The following THSD7B variants were observed in gnomAD, a reference collection of about 807,000 sequenced individuals.
THSD7B encodes thrombospondin type 1 domain containing 7B, also known as thrombospondin type-1 domain-containing protein 7B.
A neutral mutation model predicts 213.6 loss-of-function variants in THSD7B; 138 were observed. That is an observed-to-expected ratio of 0.65 (90% CI 0.56 to 0.74). The LOEUF (loss-of-function observed/expected upper bound fraction) is 0.74, where lower values mean the gene tolerates loss of function less well. Ranked by LOEUF, THSD7B falls within the 30% of genes least tolerant of loss-of-function variation. The pLI, the probability that THSD7B is intolerant of heterozygous loss-of-function variation, is 0.00. For missense variants in THSD7B, 1,931 were observed against 1,991.5 expected (o/e 0.97, Z 0.58); for synonymous variants, 742 against 687.0 (o/e 1.08, Z -1.25).
chr2:137,668,432 C>T (rs574057965), intron 27 of THSD7B, among the ~76,000 whole-genome samples: 1 of 143,814 alleles, frequency 7.0e-6, no homozygotes, highest in East Asian at 2.0e-4. Flanking sequence ...CAAAATTTAA[C>T]TGATGGTCAT....
At chr2:137,617,742 G>T (rs983445761) in intron 18 of THSD7B, among the ~76,000 whole-genome samples, 1 of 152,078 alleles carries the variant, frequency 6.6e-6, no homozygotes, top group Admixed American at 6.6e-5. Flanking sequence ...AGTTCTGGAG[G>T]CTGGAAGTCC....
intron 2 of THSD7B, among the ~76,000 whole-genome samples, chr2:136,991,164 A>T (rs1256004939): frequency 6.6e-6 from 1 of 152,224 alleles, no homozygotes; most frequent in East Asian, 1.9e-4. Flanking sequence ...ATTTTTCAGC[A>T]GTAATTATGT....
At chr2:137,186,770 A>G (rs941524145) in intron 7 of THSD7B, among the ~76,000 whole-genome samples, 1 of 152,154 alleles carries the variant, frequency 6.6e-6, no homozygotes, top group African/African-American at 2.4e-5. Context: ...AGTTTGATAG[A>G]AATAGTGTTG....
chr2:137,403,177 C>A, intron 12 of THSD7B, among the ~76,000 whole-genome samples: 1 of 152,112 alleles, frequency 6.6e-6, no homozygotes, highest in East Asian at 1.9e-4. Flanking sequence ...TGCCACAGAG[C>A]AGATGTACAA....
At chr2:137,668,715 G>A (rs753708001) in intron 27 of THSD7B, among the ~76,000 whole-genome samples, 1 of 151,930 alleles carries the variant, frequency 6.6e-6, no homozygotes, top group Non-Finnish European at 1.5e-5. Flanking sequence ...CAATAACATA[G>A]TCAAATAACG....
At chr2:136,783,952 G>A (rs1442456971) in intron 1 of THSD7B, among the ~76,000 whole-genome samples, 6 of 152,218 alleles carry the variant, frequency 3.9e-5, no homozygotes, top group Non-Finnish European at 8.8e-5. Context: ...GTTTCCTTGA[G>A]AGAACTTACT....
At chr2:137,017,117 T>A (rs1379704502) in intron 2 of THSD7B, among the ~76,000 whole-genome samples, 1 of 152,142 alleles carries the variant, frequency 6.6e-6, no homozygotes, top group East Asian at 1.9e-4. Context: ...TCAAATGAGT[T>A]GCAAACTATT....
chr2:137,074,198 C>T (rs1188520397), intron 3 of THSD7B, among the ~76,000 whole-genome samples: 1 of 151,812 alleles, frequency 6.6e-6, no homozygotes, highest in Admixed American at 6.6e-5. Flanking sequence ...TAAAGTCTCC[C>T]ATTATTAATG....
intron 7 of THSD7B, among the ~76,000 whole-genome samples, chr2:137,201,530 AC>A (rs1680875032): frequency 6.6e-6 from 1 of 152,136 alleles, no homozygotes; most frequent in Non-Finnish European, 1.5e-5. Flanking sequence ...TTACATCCCC[AC>A]CAACAATGTA....
intron 11 of THSD7B, among the ~76,000 whole-genome samples, chr2:137,274,169 A>G (rs1682817203): frequency 6.6e-6 from 1 of 152,096 alleles, no homozygotes; most frequent in Non-Finnish European, 1.5e-5. Flanking sequence ...ATCAGCATGA[A>G]TCTCTGCTCC....
rs200662455 is a variant in THSD7B, at chr2:137,008,290, A to G, written c.140-48130A>G. Among the ~76,000 whole-genome samples the G allele has an allele frequency of 3.2e-4, 49 of 152,282 alleles. 1 individual carries two copies. The highest frequency in any genetic ancestry group is 1.1e-3 in the African/African-American group (45 of 41,572). Reference sequence around the variant, plus strand: ...TCTTAATGAGCATGTCCTCTGGCAGACAGTGAGTTGAACATGTGGCAACAA... The same window carrying G: ...TCTTAATGAGCATGTCCTCTGGCAGGCAGTGAGTTGAACATGTGGCAACAA... On this transcript the variant is annotated intron_variant, in intron 2 of 27. Coordinates refer to ENST00000409968, the MANE Select transcript of THSD7B (RefSeq NM_001316349.2).
At chr2:137,647,421 T>TCTCTCTC (rs1683054335) in intron 21 of THSD7B, among the ~76,000 whole-genome samples, 2 of 84,512 alleles carry the variant, frequency 2.4e-5, no homozygotes, top group African/African-American at 9.0e-5. Context: ...CTCTGTCTCT[T>TCTCTCTC]TCTCTCTCTC....
intron 21 of THSD7B, among the ~76,000 whole-genome samples, chr2:137,654,994 A>T (rs1327071877): frequency 6.6e-6 from 1 of 152,214 alleles, no homozygotes; most frequent in Non-Finnish European, 1.5e-5. Flanking sequence ...TTCAAAGAAC[A>T]TTATTCAGCA....
chr2:136,819,117 A>G (rs1471353142), intron 1 of THSD7B, among the ~76,000 whole-genome samples: 1 of 152,216 alleles, frequency 6.6e-6, no homozygotes, highest in East Asian at 1.9e-4. Context: ...AGTGGGAACG[A>G]AAGGATCCAA....
chr2:137,361,302 T>C (rs554388511), intron 12 of THSD7B, among the ~76,000 whole-genome samples: 3 of 152,190 alleles, frequency 2.0e-5, no homozygotes, highest in African/African-American at 7.2e-5. Flanking sequence ...CTGAAAGTTC[T>C]AAAAACCAGA....
chr2:137,097,606 A>G (rs1233457718), intron 4 of THSD7B, among the ~76,000 whole-genome samples: 1 of 152,130 alleles, frequency 6.6e-6, no homozygotes, highest in Non-Finnish European at 1.5e-5. Flanking sequence ...TATTTTTTTC[A>G]ACAAGATAAT....
chr2:137,259,035 A>G (rs1271756347), intron 10 of THSD7B, among the ~76,000 whole-genome samples: 1 of 152,100 alleles, frequency 6.6e-6, no homozygotes, highest in East Asian at 1.9e-4. Flanking sequence ...TTATGGCTGC[A>G]TAGTATTCCA....
chr2:137,649,337 A>C (rs548843805), intron 21 of THSD7B, among the ~76,000 whole-genome samples: 24 of 152,264 alleles, frequency 1.6e-4, no homozygotes, highest in Non-Finnish European at 3.2e-4. Flanking sequence ...CAAAAGAAAA[A>C]AAATCTTTTC....
At chr2:137,675,131 G>C (rs889131904) in intron 27 of THSD7B, among the ~76,000 whole-genome samples, 1 of 151,816 alleles carries the variant, frequency 6.6e-6, no homozygotes, top group African/African-American at 2.4e-5. Context: ...AATCTATTTG[G>C]GCAGAAAGTT....
Sources: gnomAD v4.1 joint callset for allele counts (sites outside exome capture counted in the v4.1 genomes callset) on GRCh38, gnomAD v4.1.1 for gene constraint, MANE v1.5 for transcripts, NCBI Gene and HGNC (gene_info 2026-07-23, HGNC 2026-07-21) for gene names.